Variants in ARID1B observed in about 807,000 individuals in gnomAD.
The protein encoded by ARID1B is AT-rich interaction domain 1B.
In ARID1B, 30 loss-of-function variants were observed where a neutral mutation model predicts 212.3. The observed-to-expected ratio is 0.14, with a 90% CI of 0.11 to 0.19. ARID1B has a LOEUF of 0.19. Among genes scored for constraint, ARID1B ranks in the 10% least tolerant of loss-of-function variants. The pLI, the probability that ARID1B is intolerant of heterozygous loss-of-function variation, is 1.00. For synonymous variants in ARID1B, 1,402 were observed against 1,301.7 expected, an observed-to-expected ratio of 1.08 and a Z score of -1.66; for missense variants, 2,891 against 3,204.0, an observed-to-expected ratio of 0.90 and a Z score of 2.36.
chr6:157,185,541 A>C (rs1792913811), intron 13 of ARID1B: 1 of 152,274 alleles, frequency 6.6e-6, no homozygotes. Context: ...GAGAAAATGA[A>C]GGTCTCGTGG....
intron 1 of ARID1B, among the ~76,000 whole-genome samples, chr6:156,787,494 A>G (rs1779725022): frequency 6.6e-6 from 1 of 152,218 alleles, no homozygotes; most frequent in Admixed American, 6.5e-5. Flanking sequence ...TCTAAAATTC[A>G]TTTAGAAGCT....
At chr6:157,054,962 T>C (rs946399879) in intron 4 of ARID1B, among the ~76,000 whole-genome samples, 1 of 152,212 alleles carries the variant, frequency 6.6e-6, no homozygotes, top group Admixed American at 6.5e-5. Context: ...GGTTCCATTT[T>C]CCATTCAGTT....
chr6:156,784,581 A>T (rs1027369317), intron 1 of ARID1B, among the ~76,000 whole-genome samples: 1 of 152,178 alleles, frequency 6.6e-6, no homozygotes, highest in African/African-American at 2.4e-5. Context: ...TTATACTGAC[A>T]TCTGAATGAA....
At chr6:157,158,025 T>C (rs1361365045) in intron 8 of ARID1B, among the ~76,000 whole-genome samples, 1 of 152,186 alleles carries the variant, frequency 6.6e-6, no homozygotes, top group Non-Finnish European at 1.5e-5. Context: ...CCCTGTCTCT[T>C]AAAAAATAAT....
At chr6:156,842,543 G>C (rs769864122) in intron 2 of ARID1B, among the ~76,000 whole-genome samples, 1 of 152,114 alleles carries the variant, frequency 6.6e-6, no homozygotes, top group East Asian at 1.9e-4. Flanking sequence ...CCACCTTTTA[G>C]CAATTGTAAA....
chr6:157,138,151 T>A (rs1394144525), intron 7 of ARID1B, among the ~76,000 whole-genome samples: 1 of 152,202 alleles, frequency 6.6e-6, no homozygotes, highest in Non-Finnish European at 1.5e-5. Context: ...CTGCAGTCAC[T>A]GAGACCCAGG....
intron 8 of ARID1B, chr6:157,166,268 C>T (rs1791318351): frequency 6.6e-6 from 1 of 152,168 alleles, no homozygotes; most frequent in African/African-American, 2.4e-5. Context: ...ATACTCTTGA[C>T]CTCTTTGCAA....
At chr6:156,910,159 A>G (rs2098759059) in intron 3 of ARID1B, among the ~76,000 whole-genome samples, 1 of 152,188 alleles carries the variant, frequency 6.6e-6, no homozygotes, top group Non-Finnish European at 1.5e-5. Flanking sequence ...TGAAGTTAAG[A>G]TTAATTAGAG....
chr6:156,797,682 C>A (rs999349458), intron 1 of ARID1B, among the ~76,000 whole-genome samples: 3 of 152,098 alleles, frequency 2.0e-5, no homozygotes, highest in African/African-American at 7.2e-5. Flanking sequence ...TGGATTTGGA[C>A]GTGTTGGGTT....
At position 156,932,780 on chromosome 6, in the gene ARID1B, G is replaced by A. The variant is rs548129945; in HGVS notation, c.2137-2686G>A. On this transcript the variant is annotated intron_variant, in intron 3 of 19. Coordinates refer to ENST00000636930, the MANE Select transcript of ARID1B (RefSeq NM_001374828.1). ...TATATGTAGTTGTTGATTGTTCTAGGTTTAAACTTGGCACCTTTTCTATGT... is the reference window on the plus strand; with the variant it reads ...TATATGTAGTTGTTGATTGTTCTAGATTTAAACTTGGCACCTTTTCTATGT... Among the ~76,000 whole-genome samples the A allele has an allele frequency of 1.2e-4, 18 of 152,266 alleles. No homozygotes were observed. In the South Asian group the frequency reaches 3.7e-3, roughly 32 times the overall value.
chr6:156,846,146 A>ATTTT (rs778943522), intron 2 of ARID1B, among the ~76,000 whole-genome samples: 4,915 of 103,562 alleles, frequency 0.047, 270 homozygotes, highest in African/African-American at 0.16. Context: ...GTTGGAGGCT[A>ATTTT]TTTTTTTTGT....
chr6:156,821,784 A>T (rs1337585116), intron 1 of ARID1B, among the ~76,000 whole-genome samples: 1 of 152,162 alleles, frequency 6.6e-6, no homozygotes, highest in Non-Finnish European at 1.5e-5. Flanking sequence ...CTGTATGCTA[A>T]ATTGAGGGTT....
chr6:157,200,903 C>G lies in ARID1B; in HGVS notation c.4678C>G (p.Gln1560Glu), dbSNP rs1376702390. 1 of 1,613,686 alleles carries G rather than the reference C, an allele frequency of 6.2e-7. No individual in the cohort carries two copies. The highest frequency in any genetic ancestry group is 1.7e-5 in the Admixed American group (1 of 60,010). Residue 1560 changes from glutamine to glutamate, a missense_variant, in exon 18 of 20, where the codon CAG becomes GAG. Coordinates refer to ENST00000636930, the MANE Select transcript of ARID1B (RefSeq NM_001374828.1). This position sits in a 1 kb window ranked among gnomAD's most constrained non-coding sequence, Gnocchi z 4.3. ...CAGGGAGAGGATGCAGGGCCCGGGG[C>G]AGATCCAGACACACGGAATCCCGCC... ...YSRERMQGPG[Q>E]IQTHGIPPQM...
chr6:157,155,190 A>G (rs140239237), intron 8 of ARID1B, among the ~76,000 whole-genome samples: 5,061 of 152,300 alleles, frequency 0.033, 99 homozygotes, highest in Non-Finnish European at 0.041. Context: ...ACAGTTACTT[A>G]CTGGCACAAG....
intron 1 of ARID1B, 25 bp downstream of exon 1, chr6:156,779,496 G>C: frequency 7.6e-7 from 1 of 1,319,426 alleles, no homozygotes; most frequent in Non-Finnish European, 9.7e-7. Context: ...AGCCGGGCCT[G>C]CTTCCGCCCG....
At chr6:156,826,418 C>G (rs1201275538) in intron 1 of ARID1B, among the ~76,000 whole-genome samples, 1 of 152,252 alleles carries the variant, frequency 6.6e-6, no homozygotes, top group African/African-American at 2.4e-5. Context: ...AGTCTGTCTC[C>G]TTCAGTGAAT....
chr6:156,834,724 G>A (rs1362863288), intron 2 of ARID1B, among the ~76,000 whole-genome samples: 1 of 152,166 alleles, frequency 6.6e-6, no homozygotes, highest in Non-Finnish European at 1.5e-5. Flanking sequence ...TGAAATGTTT[G>A]GAGGCCCTTC....
chr6:157,192,109 A>G (rs1176981041), intron 15 of ARID1B, among the ~76,000 whole-genome samples: 2 of 152,214 alleles, frequency 1.3e-5, no homozygotes, highest in Non-Finnish European at 2.9e-5. Flanking sequence ...ATTTTGTAGG[A>G]CATGCAGTAA....
At chr6:156,953,602 C>G (rs1359470651) in intron 4 of ARID1B, among the ~76,000 whole-genome samples, 3 of 152,132 alleles carry the variant, frequency 2.0e-5, no homozygotes, top group Non-Finnish European at 4.4e-5. Flanking sequence ...AAGTCTTCCC[C>G]CAGGAATATG....
Sources: allele counts gnomAD v4.1 joint callset (sites outside exome capture counted in the v4.1 genomes callset), GRCh38; gene constraint gnomAD v4.1.1; non-coding constraint Gnocchi (gnomAD v3.1); transcripts MANE v1.5; gene names NCBI Gene and HGNC (gene_info 2026-07-23, HGNC 2026-07-21).